The following RASGRF2 variants were observed in gnomAD, a reference collection of about 807,000 sequenced individuals.
RASGRF2 encodes the protein ras-specific guanine nucleotide-releasing factor 2.
A neutral mutation model predicts 151.0 loss-of-function variants in RASGRF2; 76 were observed. That is an observed-to-expected ratio of 0.50 (90% CI 0.42 to 0.61). The LOEUF (loss-of-function observed/expected upper bound fraction) is 0.61, where lower values mean the gene tolerates loss of function less well. Ranked by LOEUF, RASGRF2 falls within the 20% of genes least tolerant of loss-of-function variation. The pLI is 0.00. For synonymous variants in RASGRF2, 504 were observed against 566.5 expected (o/e 0.89, Z 1.57); for missense variants, 1,148 against 1,564.6 (o/e 0.73, Z 4.49).
Position 81,126,979 on chromosome 5 carries a change from C to T in RASGRF2, c.2597-95C>T, listed in dbSNP as rs750889131. 704 of 1,374,422 alleles carry T rather than the reference C, an allele frequency of 5.1e-4. 1 individual carries two copies. The highest frequency in any genetic ancestry group is 6.7e-4 in the Non-Finnish European group (661 of 986,398). The allele number at this position is 1,374,422 out of a possible 1,614,324, so 85.1% of individuals were successfully genotyped here. A position where few individuals can be genotyped will look rare whatever the true frequency, so the allele number is the denominator to read the frequency against. ...GATAATACAGGGCATTTGGCCCAGT[C>T]CTTCATCTGGTGCAGGAAGAAAAAT... On this transcript the variant is annotated intron_variant, in intron 16 of 26. Coordinates refer to ENST00000265080, the MANE Select transcript of RASGRF2 (RefSeq NM_006909.3).
intron 1 of RASGRF2, among the ~76,000 whole-genome samples, chr5:80,988,344 C>T (rs188638787): frequency 2.7e-3 from 405 of 152,262 alleles, no homozygotes; most frequent in African/African-American, 9.0e-3. Context: ...AGCCACCACA[C>T]CCGGCCTATC....
At chr5:81,080,331 C>T (rs2112477352) in intron 6 of RASGRF2, 131 bp downstream of exon 6, 6 of 1,471,714 alleles carry the variant, frequency 4.1e-6, no homozygotes, top group Non-Finnish European at 5.4e-6. Flanking sequence ...TATCCCGGGA[C>T]CCTGTCTCCT....
chr5:81,163,397 G>A (rs1025450778), intron 17 of RASGRF2, among the ~76,000 whole-genome samples: 18 of 151,926 alleles, frequency 1.2e-4, no homozygotes, highest in Non-Finnish European at 4.4e-5. Context: ...ATGAAAGAAC[G>A]TCCATTTTTA....
chr5:81,006,520 A>G (rs1749274045), intron 1 of RASGRF2, among the ~76,000 whole-genome samples: 1 of 152,196 alleles, frequency 6.6e-6, no homozygotes, highest in African/African-American at 2.4e-5. Context: ...GTGTGTCAGA[A>G]TCTAATAGTT....
At chr5:80,967,824 C>T (rs775857044) in intron 1 of RASGRF2, among the ~76,000 whole-genome samples, 6 of 152,092 alleles carry the variant, frequency 3.9e-5, no homozygotes, top group African/African-American at 1.4e-4. Flanking sequence ...GAAGTCATGA[C>T]GAGATAATGT....
Position 81,016,031 on chromosome 5 carries a change from C to T in RASGRF2, c.289-26846C>T, listed in dbSNP as rs540804593. ...CTGTAAGAGAAGATGGTGACAATGG[C>T]GACTGAACTCATATGTGCGCTCAGT... On this transcript the variant is annotated intron_variant, in intron 1 of 26. Coordinates refer to ENST00000265080, the MANE Select transcript of RASGRF2 (RefSeq NM_006909.3). Among the ~76,000 whole-genome samples the T allele has an allele frequency of 1.1e-4, 16 of 152,186 alleles. No homozygotes were observed. In the South Asian group the frequency reaches 3.1e-3, roughly 30 times the overall value.
chr5:81,197,349 G>A (rs976806924), intron 18 of RASGRF2, among the ~76,000 whole-genome samples: 1 of 150,612 alleles, frequency 6.6e-6, no homozygotes, highest in African/African-American at 2.4e-5. Context: ...CCAGCTACTC[G>A]GGAGGCTGAG....
rs749985081 is a variant in RASGRF2, at chr5:81,207,360, C to A, written c.3071+11C>A. 7 of 1,604,398 alleles carry A rather than the reference C, an allele frequency of 4.4e-6. No homozygotes were observed. In the Admixed American group the frequency reaches 1.2e-4, roughly 27 times the overall value. On this transcript the variant is annotated intron_variant, in intron 21 of 26. Coordinates refer to ENST00000265080, the MANE Select transcript of RASGRF2 (RefSeq NM_006909.3). ...AAGCATTCCCTACGAGTGAGTGCCA[C>A]CCCCCACAGCAGCAGGGCTCGGCTG...
chr5:81,207,444 C>T (rs1353178606), intron 21 of RASGRF2, 95 bp downstream of exon 21: 8 of 1,020,292 alleles, frequency 7.8e-6, no homozygotes, highest in Non-Finnish European at 1.2e-5. Flanking sequence ...ATGTCTGTCC[C>T]CTCAGTTCCT....
intron 7 of RASGRF2, among the ~76,000 whole-genome samples, chr5:81,081,772 C>G (rs1349931984): frequency 6.6e-6 from 1 of 152,150 alleles, no homozygotes; most frequent in Non-Finnish European, 1.5e-5. Context: ...CAGTCCTGCT[C>G]GAAATCCTGG....
chr5:81,218,360 GA>G (rs935827230), intron 25 of RASGRF2, among the ~76,000 whole-genome samples: 11 of 152,156 alleles, frequency 7.2e-5, no homozygotes, highest in African/African-American at 2.4e-4. Flanking sequence ...AATCTATCTT[GA>G]GTTGATTTTT....
At chr5:81,095,300 C>A (rs758572106) in intron 12 of RASGRF2, among the ~76,000 whole-genome samples, 6 of 152,092 alleles carry the variant, frequency 3.9e-5, no homozygotes, top group Non-Finnish European at 7.4e-5. Context: ...GTAATAAATT[C>A]TCTAATGACT....
chr5:81,140,166 T>C (rs1362235686), intron 17 of RASGRF2, among the ~76,000 whole-genome samples: 1 of 152,146 alleles, frequency 6.6e-6, no homozygotes, highest in Non-Finnish European at 1.5e-5. Flanking sequence ...TGTACCTTAA[T>C]AGGCCTTGTT....
intron 17 of RASGRF2, among the ~76,000 whole-genome samples, chr5:81,157,282 G>A (rs982059603): frequency 6.6e-6 from 1 of 151,490 alleles, no homozygotes; most frequent in Non-Finnish European, 1.5e-5. Flanking sequence ...ATGAACCCAG[G>A]AGGCGGGAGG....
At chr5:81,171,549 T>TG (rs1754657665) in intron 17 of RASGRF2, among the ~76,000 whole-genome samples, 3 of 150,522 alleles carry the variant, frequency 2.0e-5, no homozygotes, top group Non-Finnish European at 3.0e-5. Context: ...CCTTTTGTGT[T>TG]TGTGTGTGTG....
intron 1 of RASGRF2, among the ~76,000 whole-genome samples, chr5:80,980,564 T>C (rs1748264966): frequency 1.3e-5 from 2 of 152,000 alleles, no homozygotes; most frequent in Middle Eastern, 6.4e-3. Flanking sequence ...ATAGCTTGAA[T>C]CCAGGAAGCA....
At chr5:81,110,995 G>C (rs1245692991) in intron 13 of RASGRF2, among the ~76,000 whole-genome samples, 2 of 152,194 alleles carry the variant, frequency 1.3e-5, no homozygotes, top group African/African-American at 4.8e-5. Context: ...GCCTGCAGAT[G>C]AAGTACTTCC....
chr5:80,999,135 T>C (rs1182724476), intron 1 of RASGRF2, among the ~76,000 whole-genome samples: 2 of 152,086 alleles, frequency 1.3e-5, no homozygotes, highest in Non-Finnish European at 2.9e-5. Flanking sequence ...GCAATGGGGT[T>C]GGAGGAGGAA....
intron 2 of RASGRF2, among the ~76,000 whole-genome samples, chr5:81,066,710 A>G (rs1006711716): frequency 2.0e-5 from 3 of 152,248 alleles, no homozygotes; most frequent in African/African-American, 7.2e-5. Flanking sequence ...TGGCTGCCCA[A>G]AAATGGCAAC....
Sources: gnomAD v4.1 joint callset for allele counts (sites outside exome capture counted in the v4.1 genomes callset) on GRCh38, gnomAD v4.1.1 for gene constraint, MANE v1.5 for transcripts, NCBI Gene and HGNC (gene_info 2026-07-23, HGNC 2026-07-21) for gene names.